Variants in BCAS4 observed in about 807,000 individuals in gnomAD.
BCAS4 encodes the protein breast carcinoma amplified sequence 4, also known as breast carcinoma-amplified sequence 4.
In BCAS4, 9 loss-of-function variants were observed where a neutral mutation model predicts 15.7. The ratio of observed to expected loss-of-function variants is 0.57; its 90% CI spans 0.34 to 1.00. The LOEUF (loss-of-function observed/expected upper bound fraction) is 1.00, where lower values mean the gene tolerates loss of function less well. BCAS4 is among the 50% of genes least tolerant of loss of function. The pLI is 0.02. For synonymous variants in BCAS4, 101 were observed against 99.5 expected (o/e 1.02, Z -0.09); for missense variants, 225 against 239.1 (o/e 0.94, Z 0.39).
Position 50,811,443 on chromosome 20 carries a change from T to C in BCAS4, c.91-6768T>C, listed in dbSNP as rs1600851549. ...TATAGTTTGTTGGCTTTTAGTATAT[T>C]TACTGTGTTGTGCAGACATCACCGT... is the stretch of plus-strand genomic sequence containing the variant. On this transcript the variant is annotated intron_variant, in intron 1 of 4. Coordinates refer to ENST00000371608, the MANE Select transcript of BCAS4 (RefSeq NM_198799.4). Among the ~76,000 whole-genome samples the C allele has an allele frequency of 2.6e-5, 4 of 152,308 alleles. 1 individual carries two copies. The highest frequency in any genetic ancestry group is 2.6e-4 in the Admixed American group (4 of 15,284).
chr20:50,861,239 C>T (rs983239518), intron 4 of BCAS4, among the ~76,000 whole-genome samples: 3 of 152,168 alleles, frequency 2.0e-5, no homozygotes, highest in Admixed American at 6.5e-5. Flanking sequence ...AGTTCAGCAG[C>T]GAATGGGGCA....
intron 2 of BCAS4, among the ~76,000 whole-genome samples, chr20:50,827,871 C>T (rs531577347): frequency 6.6e-5 from 10 of 152,134 alleles, no homozygotes; most frequent in South Asian, 2.1e-4. Context: ...GGACTACAGG[C>T]GCACGCCACC....
At chr20:50,844,606 C>G (rs1208286525) in intron 4 of BCAS4, among the ~76,000 whole-genome samples, 3 of 152,162 alleles carry the variant, frequency 2.0e-5, no homozygotes, top group Non-Finnish European at 4.4e-5. Flanking sequence ...GAGGTTGGTG[C>G]TAGTGTTCCC....
rs180699838 is a variant in BCAS4 at position 50,841,363 on chromosome 20, G to C, written c.265-403G>C. On this transcript the variant is annotated intron_variant, in intron 3 of 4. Transcript: ENST00000371608. Reference sequence around the variant, plus strand: ...GTACAAATAAATAAATAAGCATTTGGGCTATTTCTATAAAATCAACTTTTA... The same window carrying C: ...GTACAAATAAATAAATAAGCATTTGCGCTATTTCTATAAAATCAACTTTTA... 2.0e-5 allele frequency among the ~76,000 whole-genome samples: 3 copies of C among 152,228 alleles called. No homozygotes were observed. In the East Asian group the frequency reaches 5.8e-4, roughly 29 times the overall value.
At chr20:50,848,444 G>A (rs2088573892) in intron 4 of BCAS4, among the ~76,000 whole-genome samples, 1 of 152,218 alleles carries the variant, frequency 6.6e-6, no homozygotes, top group Non-Finnish European at 1.5e-5. Context: ...TGAGCTTGGT[G>A]CTTGAGAAAT....
intron 1 of BCAS4, among the ~76,000 whole-genome samples, chr20:50,806,263 G>A (rs960146936): frequency 2.0e-5 from 3 of 152,202 alleles, no homozygotes; most frequent in African/African-American, 7.2e-5. Context: ...AGGTGCAGTT[G>A]AGACCACACA....
intron 1 of BCAS4, among the ~76,000 whole-genome samples, chr20:50,812,343 C>T (rs2088077573): frequency 1.3e-5 from 2 of 151,706 alleles, no homozygotes; most frequent in South Asian, 2.1e-4. Context: ...CCGTGTTAGC[C>T]AGGATGGTCT....
chr20:50,830,120 C>T (rs1312240702), intron 2 of BCAS4, among the ~76,000 whole-genome samples, 159 bp from the exon 3 acceptor site: 1 of 152,146 alleles, frequency 6.6e-6, no homozygotes, highest in Non-Finnish European at 1.5e-5. Context: ...TTGGTCCTCC[C>T]CTGGGGCTCT....
chr20:50,861,503 G>A (rs973079632), intron 4 of BCAS4, among the ~76,000 whole-genome samples: 4 of 152,206 alleles, frequency 2.6e-5, no homozygotes, highest in Non-Finnish European at 4.4e-5. Context: ...CGTCCAGCAC[G>A]GACGGCCTGT....
At chr20:50,819,171 A>C (rs1470226941) in intron 2 of BCAS4, among the ~76,000 whole-genome samples, 3 of 152,022 alleles carry the variant, frequency 2.0e-5, no homozygotes, top group East Asian at 1.9e-4. Flanking sequence ...TGATAGATCA[A>C]GATTGTGTCT....
chr20:50,845,249 T>C (rs561868704), intron 4 of BCAS4, among the ~76,000 whole-genome samples: 3 of 152,186 alleles, frequency 2.0e-5, no homozygotes, highest in Admixed American at 6.5e-5. Context: ...CTGCACCCCA[T>C]TGGTCCATTC....
intron 3 of BCAS4, among the ~76,000 whole-genome samples, chr20:50,833,429 C>A (rs983663468): frequency 6.6e-6 from 1 of 152,218 alleles, no homozygotes; most frequent in South Asian, 2.1e-4. Flanking sequence ...CTGGAAAATT[C>A]TTTGTTGTGG....
chr20:50,802,366 A>G (rs1006578953), intron 1 of BCAS4, among the ~76,000 whole-genome samples: 10 of 152,282 alleles, frequency 6.6e-5, no homozygotes, highest in Non-Finnish European at 1.3e-4. Flanking sequence ...ATGAGGAGCC[A>G]GGGGCAAGGC....
chr20:50,849,879 C>G (rs1978328785), intron 4 of BCAS4, among the ~76,000 whole-genome samples: 1 of 152,190 alleles, frequency 6.6e-6, no homozygotes, highest in Non-Finnish European at 1.5e-5. Context: ...GTAATCCCAG[C>G]ACTTTGGAAG....
chr20:50,844,324 C>T (rs1421652405), intron 4 of BCAS4, among the ~76,000 whole-genome samples: 1 of 152,128 alleles, frequency 6.6e-6, no homozygotes, highest in Non-Finnish European at 1.5e-5. Flanking sequence ...GCCCTAGCTA[C>T]TCAGGAGGCT....
Position 50,876,833 on chromosome 20 carries a change from C to T in BCAS4, c.*225C>T, listed in dbSNP as rs539853215. ...TGGTGGGATTATGGGCAGGAGCCTC[C>T]GTGCCCAGGCTGCTGCCATTTTCAA... On this transcript the variant is annotated 3_prime_UTR_variant, in exon 5 of 5. Coordinates refer to ENST00000371608, the MANE Select transcript of BCAS4 (RefSeq NM_198799.4). The T allele has an allele frequency of 8.5e-5, 34 of 399,686 alleles. No homozygotes were observed. Among genetic ancestry groups the T allele is most frequent in the East Asian group, 6.0e-4 (11 of 18,324 alleles). 24.8% of individuals were successfully genotyped at this position (399,686 alleles called of 1,614,324 possible). A position where few individuals can be genotyped will look rare whatever the true frequency, so the allele number is the denominator to read the frequency against.
chr20:50,817,380 A>C (rs553713538), intron 1 of BCAS4, among the ~76,000 whole-genome samples: 2 of 152,358 alleles, frequency 1.3e-5, no homozygotes, highest in Admixed American at 6.5e-5. Flanking sequence ...TGAATTTCAG[A>C]TAAACAACAA....
chr20:50,874,799 G>A (rs778850482), intron 4 of BCAS4, among the ~76,000 whole-genome samples: 6 of 152,174 alleles, frequency 3.9e-5, no homozygotes, highest in Admixed American at 6.5e-5. Flanking sequence ...TCTGGCAGTG[G>A]GGAAGCTGTC....
chr20:50,808,088 T>G (rs541669607), intron 1 of BCAS4, among the ~76,000 whole-genome samples: 11 of 151,832 alleles, frequency 7.2e-5, no homozygotes, highest in African/African-American at 2.7e-4. Context: ...TTTTTTTGTA[T>G]TTTTTAATAG....
Sources: allele counts gnomAD v4.1 joint callset (sites outside exome capture counted in the v4.1 genomes callset), GRCh38; gene constraint gnomAD v4.1.1; transcripts MANE v1.5; gene names NCBI Gene and HGNC (gene_info 2026-07-23, HGNC 2026-07-21).